POLK: variants seen among roughly 807,000 people sequenced by gnomAD.
The protein encoded by POLK is DNA polymerase kappa, also known as polymerase (DNA directed) kappa.
In POLK, 76 loss-of-function variants were observed where a neutral mutation model predicts 94.0. The ratio of observed to expected loss-of-function variants is 0.81; its 90% confidence interval spans 0.67 to 0.98. The LOEUF (loss-of-function observed/expected upper bound fraction) is 0.98, where lower values mean the gene tolerates loss of function less well. Among genes scored for constraint, POLK ranks in the 50% least tolerant of loss-of-function variants. POLK has a pLI of 0.00. For synonymous variants in POLK, 349 were observed against 325.4 expected, an observed-to-expected ratio of 1.07 and a Z score of -0.78; for missense variants, 954 against 1,010.1, an observed-to-expected ratio of 0.94 and a Z score of 0.75.
intron 1 of POLK, among the ~76,000 whole-genome samples, chr5:75,526,791 G>A (rs529872833): frequency 6.6e-6 from 1 of 152,138 alleles, no homozygotes; most frequent in South Asian, 2.1e-4. Context: ...ATGTTGGCCA[G>A]GCTGGTCTCG....
chr5:75,540,374 G>A lies in POLK; in HGVS notation c.-13-6636G>A, dbSNP rs117155167. On this transcript the variant is annotated intron_variant, in intron 1 of 14. Transcript: ENST00000241436. ...CAGGCTGGAGTGCAGTGGCATAACCGTGGCTGACTGCGGCTTCGAACTCCT... is the reference window on the plus strand; with the variant it reads ...CAGGCTGGAGTGCAGTGGCATAACCATGGCTGACTGCGGCTTCGAACTCCT... Among the ~76,000 whole-genome samples, 314 of 151,356 alleles carry A rather than the reference G, an allele frequency of 2.1e-3. 1 individual carries two copies. In the East Asian group the frequency reaches 0.027, roughly 13 times the overall value.
At chr5:75,510,992 A>G, upstream of POLK, 1 of 1,324,676 alleles carries the variant, frequency 7.5e-7, no homozygotes, top group Non-Finnish European at 1.0e-6. Flanking sequence ...CTGCAGCAAC[A>G]CTCAGCCTCG....
At chr5:75,581,416 T>C in exon 7 of POLK, 2 of 1,613,670 alleles carry the variant, frequency 1.2e-6, no homozygotes, top group Non-Finnish European at 1.7e-6. Context: ...CGTTTCAGAA[T>C]TGAGCAGAAA....
chr5:75,515,935 A>G (rs2112518213), intron 1 of POLK, among the ~76,000 whole-genome samples: 1 of 152,318 alleles, frequency 6.6e-6, no homozygotes, highest in East Asian at 1.9e-4. Flanking sequence ...TGACTGGGGT[A>G]AGATGATAGC....
At chr5:75,511,141 G>T, upstream of POLK, 1 of 1,606,026 alleles carries the variant, frequency 6.2e-7, no homozygotes, top group Non-Finnish European at 8.5e-7. Context: ...CGCTCCACAG[G>T]CGGCCCAGAC....
At chr5:75,591,321 A>T (rs1178088071) in intron 11 of POLK, among the ~76,000 whole-genome samples, 1 of 152,214 alleles carries the variant, frequency 6.6e-6, no homozygotes, top group Non-Finnish European at 1.5e-5. Context: ...ATCAGTAAAA[A>T]ATTTGTTTTA....
intron 3 of POLK, among the ~76,000 whole-genome samples, chr5:75,561,247 C>T (rs571351200): frequency 7.0e-4 from 107 of 152,236 alleles, no homozygotes; most frequent in Non-Finnish European, 1.0e-3. Context: ...TTTTGATTTG[C>T]GTTTCTCTAA....
At chr5:75,596,610 G>T in exon 13 of POLK, 1 of 1,614,004 alleles carries the variant, frequency 6.2e-7, no homozygotes, top group Non-Finnish European at 8.5e-7. Context: ...TGGAAGCCTT[G>T]AATAAACATG....
chr5:75,565,773 C>T (rs1771233365), intron 3 of POLK, among the ~76,000 whole-genome samples: 1 of 152,174 alleles, frequency 6.6e-6, no homozygotes, highest in Admixed American at 6.5e-5. Context: ...AGAGGGGCAC[C>T]ATCAGATGCC....
At chr5:75,609,895 T>G in the POLK span, 1 of 152,210 alleles carries the variant, frequency 6.6e-6, no homozygotes, top group African/African-American at 2.4e-5. Flanking sequence ...AACTGACAAG[T>G]TTGAAATGAA....
downstream of POLK, among the ~76,000 whole-genome samples, chr5:75,601,682 C>T (rs1773300235): frequency 6.6e-6 from 1 of 152,188 alleles, no homozygotes; most frequent in Non-Finnish European, 1.5e-5. Flanking sequence ...AGCTTTTGGA[C>T]TCTTGGACTT....
chr5:75,546,356 AAGG>A (rs1770017751), intron 1 of POLK, among the ~76,000 whole-genome samples: 1 of 152,188 alleles, frequency 6.6e-6, no homozygotes, highest in Non-Finnish European at 1.5e-5. Context: ...TGAATAAACT[AAGG>A]AGGAGAAAGC....
Position 75,594,132 on chromosome 5 carries a change from C to T in POLK, c.1528+83C>T, listed in dbSNP as rs1480639292. 6 of 885,758 alleles carry T rather than the reference C, an allele frequency of 6.8e-6. No homozygotes were observed. In the Admixed American group the frequency reaches 1.4e-4, roughly 21 times the overall value. 54.9% of individuals were successfully genotyped at this position (885,758 alleles called of 1,614,324 possible). ...CAACTTTGGGAATACAGGGGGCCCC[C>T]AACTTAACAATGGTTCAACTTAATG... On this transcript the variant is annotated intron_variant, in intron 12 of 14. Transcript: ENST00000241436.
intron 3 of POLK, chr5:75,568,675 A>C: frequency 2.3e-6 from 1 of 442,346 alleles, no homozygotes; most frequent in East Asian, 7.1e-5. Context: ...TTACTTGTAT[A>C]GATTAACATC....
intron 2 of POLK, among the ~76,000 whole-genome samples, chr5:75,552,226 G>A (rs1304555908): frequency 6.6e-6 from 1 of 152,138 alleles, no homozygotes; most frequent in East Asian, 1.9e-4. Flanking sequence ...AGCTTGTGCT[G>A]TGCTAAGTAC....
At chr5:75,544,478 CTAAAAA>C (rs1769908417) in intron 1 of POLK, among the ~76,000 whole-genome samples, 1 of 152,090 alleles carries the variant, frequency 6.6e-6, no homozygotes, top group African/African-American at 2.4e-5. Flanking sequence ...CCCATCTTTA[CTAAAAA>C]TACAAAAATT....
intron 1 of POLK, among the ~76,000 whole-genome samples, chr5:75,534,366 C>T (rs936798812): frequency 6.6e-6 from 1 of 151,280 alleles, no homozygotes; most frequent in Non-Finnish European, 1.5e-5. Context: ...GATTGGGTTT[C>T]GACTGTCTCC....
the POLK span, chr5:75,609,972 A>G: frequency 6.6e-6 from 1 of 152,234 alleles, no homozygotes; most frequent in Non-Finnish European, 1.5e-5. Flanking sequence ...GAATAAATAA[A>G]TGAAAACCTG....
intron 11 of POLK, among the ~76,000 whole-genome samples, chr5:75,593,652 T>G (rs958551603): frequency 6.6e-6 from 1 of 152,014 alleles, no homozygotes; most frequent in Non-Finnish European, 1.5e-5. Context: ...GAGACTAGCC[T>G]GGGTAACATA....
Sources: allele counts gnomAD v4.1 joint callset (sites outside exome capture counted in the v4.1 genomes callset), GRCh38; gene constraint gnomAD v4.1.1; transcripts MANE v1.5; gene names NCBI Gene and HGNC (gene_info 2026-07-23, HGNC 2026-07-21).